The following TBX20 variants were observed in gnomAD, a reference collection of about 807,000 sequenced individuals.
TBX20 encodes the protein T-box transcription factor 20, also known as T-box transcription factor TBX20.
A neutral mutation model predicts 42.9 loss-of-function variants in TBX20; 8 were observed. The observed-to-expected ratio is 0.19, with a 90% CI of 0.11 to 0.34. The LOEUF is 0.34. Among genes scored for constraint, TBX20 ranks in the 10% least tolerant of loss-of-function variants. The pLI is 1.00. For missense variants in TBX20, 411 were observed against 566.0 expected (o/e 0.73, Z 2.78); for synonymous variants, 198 against 222.8 (o/e 0.89, Z 0.99).
rs528881780 is a variant in TBX20 at position 35,253,397 on chromosome 7, G to A, written c.127+97C>T. ...ACCCGCGATGTATGGCTCATGGCTT[G>A]AGCATCAGACGTTGCTGCGAGCCGC... On this transcript the variant is annotated intron_variant, in intron 1 of 7. Transcript: ENST00000408931. 7 of 1,422,596 alleles carry A rather than the reference G, an allele frequency of 4.9e-6. No individual in the cohort carries two copies. The African/African-American group carries it at 8.5e-5, about 17-fold the overall frequency. The allele number at this position is 1,422,596 out of a possible 1,614,324, so 88.1% of individuals were successfully genotyped here.
intron 3 of TBX20, 125 bp downstream of exon 3, chr7:35,248,552 C>CT (rs1216446488): frequency 6.6e-6 from 7 of 1,055,116 alleles, no homozygotes; most frequent in Non-Finnish European, 1.0e-5. Flanking sequence ...AGTGTCCAGG[C>CT]TTGGAATGCT....
At chr7:35,205,332 G>C (rs1325952889) in intron 6 of TBX20, among the ~76,000 whole-genome samples, 18 of 151,486 alleles carry the variant, frequency 1.2e-4, no homozygotes, top group Admixed American at 1.2e-3. Flanking sequence ...TTTGGCATTG[G>C]ACAATTTGAC....
chr7:35,223,878 G>T (rs931789199), intron 6 of TBX20, among the ~76,000 whole-genome samples: 2 of 152,176 alleles, frequency 1.3e-5, no homozygotes, highest in African/African-American at 4.8e-5. Context: ...GTCAAGAAAG[G>T]GTTGTTTTCT....
chr7:35,220,485 T>C (rs1789662845), intron 6 of TBX20, among the ~76,000 whole-genome samples: 1 of 152,224 alleles, frequency 6.6e-6, no homozygotes, highest in Admixed American at 6.5e-5. Flanking sequence ...GCCACATCAA[T>C]GCCAGGTCAA....
chr7:35,220,173 C>T lies in TBX20; in HGVS notation c.890+11331G>A, dbSNP rs73691651. On this transcript the variant is annotated intron_variant, in intron 6 of 7. Coordinates refer to ENST00000408931, the MANE Select transcript of TBX20 (RefSeq NM_001077653.2). The stretch of plus-strand genomic sequence containing the variant: ...TCAGCACATAAGGAAGAAAGATACC[C>T]GGGGTGGAAATAAACAAGGCTTCTG... 3.7e-3 allele frequency among the ~76,000 whole-genome samples: 558 copies of T among 152,238 alleles called. 1 individual carries two copies. The highest frequency in any genetic ancestry group is 0.013 in the African/African-American group (532 of 41,542).
chr7:35,229,321 T>C (rs539511879), intron 6 of TBX20, among the ~76,000 whole-genome samples: 1 of 152,320 alleles, frequency 6.6e-6, no homozygotes, highest in Admixed American at 6.5e-5. Context: ...ACTAGATGGT[T>C]TAGTGCAGTA....
intron 3 of TBX20, among the ~76,000 whole-genome samples, chr7:35,246,840 T>C (rs1199056148): frequency 1.3e-5 from 2 of 152,112 alleles, no homozygotes; most frequent in South Asian, 2.1e-4. Context: ...AAATTATCTA[T>C]TTTTTATCCC....
At chr7:35,245,203 T>C in intron 3 of TBX20, 146 bp from the exon 4 acceptor site, 1 of 624,394 alleles carries the variant, frequency 1.6e-6, no homozygotes, top group East Asian at 2.9e-5. Context: ...TTTATTACTA[T>C]TGCAATGTCA....
chr7:35,205,792 T>C (rs1789390110), intron 6 of TBX20, among the ~76,000 whole-genome samples: 1 of 152,190 alleles, frequency 6.6e-6, no homozygotes, highest in Admixed American at 6.5e-5. Flanking sequence ...TCTGCAACTA[T>C]TTAAGTTACA....
At chr7:35,236,581 T>G (rs1449177588) in intron 5 of TBX20, among the ~76,000 whole-genome samples, 1 of 152,170 alleles carries the variant, frequency 6.6e-6, no homozygotes, top group Non-Finnish European at 1.5e-5. Context: ...ACTGCACATA[T>G]GTTTACTGAG....
chr7:35,233,341 A>G (rs1333576361), intron 5 of TBX20, among the ~76,000 whole-genome samples: 1 of 152,248 alleles, frequency 6.6e-6, no homozygotes, highest in African/African-American at 2.4e-5. Flanking sequence ...ACAGTGCCTC[A>G]GAAATGCTCA....
intron 6 of TBX20, among the ~76,000 whole-genome samples, chr7:35,230,850 C>T (rs1181589409): frequency 1.3e-5 from 2 of 152,162 alleles, no homozygotes; most frequent in Non-Finnish European, 2.9e-5. Context: ...CTTTGAAAAA[C>T]AATTTTTGAC....
chr7:35,250,383 G>C (rs970198037), intron 1 of TBX20, among the ~76,000 whole-genome samples, 180 bp from the exon 2 acceptor site: 2 of 152,246 alleles, frequency 1.3e-5, no homozygotes, highest in African/African-American at 4.8e-5. Flanking sequence ...GATTCCCACG[G>C]AGTAGCATGC....
At chr7:35,240,377 T>C (rs1216881841) in intron 5 of TBX20, among the ~76,000 whole-genome samples, 2 of 152,216 alleles carry the variant, frequency 1.3e-5, no homozygotes, top group South Asian at 2.1e-4. Context: ...TGTTACATAC[T>C]ATGGTTTACT....
chr7:35,219,881 A>G (rs1789651404), intron 6 of TBX20, among the ~76,000 whole-genome samples: 1 of 152,202 alleles, frequency 6.6e-6, no homozygotes, highest in South Asian at 2.1e-4. Flanking sequence ...AAAAGGGCCA[A>G]ATCCCACTGG....
rs1403970389 is a variant in TBX20, at chr7:35,253,764, C to T, written c.-144G>A. On this transcript the variant is annotated 5_prime_UTR_variant, in exon 1 of 8. Coordinates refer to ENST00000408931, the MANE Select transcript of TBX20 (RefSeq NM_001077653.2). The stretch of plus-strand genomic sequence containing the variant: ...CCAGGGACTCCAGAAGTGTCAGCTC[C>T]AACGACTCCAGAGCTGCACACTGGC... 1 of 1,005,064 alleles carries T rather than the reference C, an allele frequency of 9.9e-7. No individual in the cohort carries two copies. The highest frequency in any genetic ancestry group is 1.4e-6 in the Non-Finnish European group (1 of 691,548). 62.3% of individuals were successfully genotyped at this position (1,005,064 alleles called of 1,614,324 possible).
intron 6 of TBX20, 70 bp downstream of exon 6, chr7:35,231,434 T>C: frequency 2.0e-6 from 2 of 994,582 alleles, no homozygotes; most frequent in South Asian, 2.6e-5. Context: ...TCGAAAGGAG[T>C]GTGTTGTTAC....
chr7:35,219,949 T>G (rs1789652949), intron 6 of TBX20, among the ~76,000 whole-genome samples: 5 of 152,188 alleles, frequency 3.3e-5, no homozygotes, highest in Admixed American at 3.3e-4. Flanking sequence ...GGTTTTAAAG[T>G]CACTTTTATA....
At chr7:35,232,555 T>C (rs1789887482) in intron 5 of TBX20, among the ~76,000 whole-genome samples, 1 of 152,212 alleles carries the variant, frequency 6.6e-6, no homozygotes. Context: ...GGTCAGTAAC[T>C]TAATTAGAAC....
Sources: allele counts gnomAD v4.1 joint callset (sites outside exome capture counted in the v4.1 genomes callset), GRCh38; gene constraint gnomAD v4.1.1; transcripts MANE v1.5; gene names NCBI Gene and HGNC (gene_info 2026-07-23, HGNC 2026-07-21).